Variants in FBH1 observed in about 807,000 individuals in gnomAD.
FBH1 encodes DNA 3'-5' helicase 1.
A neutral mutation model predicts 115.5 loss-of-function variants in FBH1; 43 were observed. The ratio of observed to expected loss-of-function variants is 0.37; its 90% CI spans 0.29 to 0.48. FBH1 has a LOEUF of 0.48. FBH1 is among the 20% of genes least tolerant of loss of function. FBH1 has a pLI of 0.99. For missense variants in FBH1, 1,001 were observed against 1,337.3 expected (o/e 0.75, Z 3.92); for synonymous variants, 524 against 507.8 (o/e 1.03, Z -0.43).
chr10:5,896,067 G>A (rs927525943), intron 1 of FBH1, among the ~76,000 whole-genome samples: 3 of 152,188 alleles, frequency 2.0e-5, no homozygotes, highest in African/African-American at 4.8e-5. Flanking sequence ...TGGCAGACAC[G>A]CAGTTCTCAC....
chr10:5,924,572 C>CTT lies in FBH1; in HGVS notation c.2596+76_2596+77dup, dbSNP rs59730206. ...GAGGAACAGATGGTCTTCTGCTGTT[C>CTT]TTTTTTTTTTTTTGAGACAGAGTAT... On this transcript the variant is annotated intron_variant, in intron 17 of 20. Transcript: ENST00000362091. This position sits in a 1 kb window ranked among gnomAD's most constrained non-coding sequence, Gnocchi z 6.2. 447 of 1,247,354 alleles carry CTT rather than the reference C, an allele frequency of 3.6e-4. No homozygotes were observed. Among genetic ancestry groups the CTT allele is most frequent in the Non-Finnish European group, 4.1e-4 (371 of 904,278 alleles). 77.3% of individuals were successfully genotyped at this position (1,247,354 alleles called of 1,614,324 possible).
chr10:5,895,878 C>T lies in FBH1; in HGVS notation c.1+5532C>T, dbSNP rs150050969. Among the ~76,000 whole-genome samples the T allele has an allele frequency of 9.6e-3, 1,458 of 152,314 alleles. 27 individuals are homozygous for T. The highest frequency in any genetic ancestry group is 0.032 in the African/African-American group (1,346 of 41,568). ...TGGCACCCAGCGGTAAGGCGACATC[C>T]ACCTGCACGCAGGACTGGGAAGTAT... is the stretch of plus-strand genomic sequence containing the variant. On this transcript the variant is annotated intron_variant, in intron 1 of 20. Transcript: ENST00000362091. This position sits in a 1 kb window ranked among gnomAD's most constrained non-coding sequence, Gnocchi z 5.0.
Position 5,924,361 on chromosome 10 carries a change from G to A in FBH1, c.2449G>A (p.Gly817Ser). The A allele has an allele frequency of 3.7e-6, 6 of 1,614,220 alleles. No individual in the cohort carries two copies. The highest frequency in any genetic ancestry group is 5.1e-6 in the Non-Finnish European group (6 of 1,180,026). The change falls in exon 17 of 21, where the codon GGC becomes AGC. Residue 817 changes from glycine to serine, a missense_variant. Gly to Ser is a moderately conservative substitution (Grantham distance 56, BLOSUM62 0). Transcript: ENST00000362091. The surrounding 1 kb of genome is among the most constrained non-coding windows in gnomAD (Gnocchi z 6.2). ...TATCAGAAGATGGGTGCACAAAGAA[G>A]GCTTTAGTGGCTTCAAGAGGTATGT... ...KFIRRWVHKE[G>S]FSGFKRYVTA...
Position 5,895,882 on chromosome 10 carries a change from T to C in FBH1, c.1+5536T>C, listed in dbSNP as rs887078096. On this transcript the variant is annotated intron_variant, in intron 1 of 20. Coordinates refer to ENST00000362091, the MANE Select transcript of FBH1 (RefSeq NM_178150.3). The surrounding 1 kb of genome is among the most constrained non-coding windows in gnomAD (Gnocchi z 5.0). ...ACCCAGCGGTAAGGCGACATCCACC[T>C]GCACGCAGGACTGGGAAGTATAGCC... 6.6e-6 allele frequency among the ~76,000 whole-genome samples: 1 copy of C among 152,212 alleles called. No homozygotes were observed. The highest frequency in any genetic ancestry group is 1.5e-5 in the Non-Finnish European group (1 of 68,046).
At chr10:5,894,550 T>C (rs1308339879) in intron 1 of FBH1, 2 of 810,208 alleles carry the variant, frequency 2.5e-6, no homozygotes, top group Non-Finnish European at 4.5e-6. Flanking sequence ...CATGGCACAA[T>C]TGTAGGATTG....
intron 13 of FBH1, among the ~76,000 whole-genome samples, chr10:5,920,719 A>T (rs957538586): frequency 2.6e-5 from 4 of 152,244 alleles, no homozygotes; most frequent in Admixed American, 2.6e-4. Context: ...AAGGCTGTAC[A>T]CACCCCGAGT....
Position 5,909,409 on chromosome 10 carries a change from T to A in FBH1, c.1020+115T>A. The A allele has an allele frequency of 1.6e-6, 2 of 1,231,328 alleles. No homozygotes were observed. The highest frequency in any genetic ancestry group is 2.2e-6 in the Non-Finnish European group (2 of 908,858). 76.3% of individuals were successfully genotyped at this position (1,231,328 alleles called of 1,614,324 possible). On this transcript the variant is annotated intron_variant, in intron 5 of 20. Coordinates refer to ENST00000362091, the MANE Select transcript of FBH1 (RefSeq NM_178150.3). This position sits in a 1 kb window ranked among gnomAD's most constrained non-coding sequence, Gnocchi z 4.4. Reference sequence around the variant, plus strand: ...ATTTATTTTTAATGTCTGTATTTAATCTCTGAATGCTTTGAAGCATTCATG... The same window carrying A: ...ATTTATTTTTAATGTCTGTATTTAAACTCTGAATGCTTTGAAGCATTCATG...
chr10:5,933,695 G>T lies in FBH1; in HGVS notation c.2830-2761G>T, dbSNP rs1833118289. 5.9e-5 allele frequency among the ~76,000 whole-genome samples: 9 copies of T among 151,870 alleles called. No homozygotes were observed. Among genetic ancestry groups the T allele is most frequent in the Admixed American group, 5.9e-4 (9 of 15,246 alleles). On this transcript the variant is annotated intron_variant, in intron 19 of 20. Coordinates refer to ENST00000362091, the MANE Select transcript of FBH1 (RefSeq NM_178150.3). This position sits in a 1 kb window ranked among gnomAD's most constrained non-coding sequence, Gnocchi z 4.9. ...TCTCACTCTGTCGCCCAGGCTGGAG[G>T]GCAGTGGTGTGATCTTGGCTCACCG...
intron 1 of FBH1, among the ~76,000 whole-genome samples, chr10:5,898,979 G>C (rs1230539614): frequency 6.6e-6 from 1 of 152,170 alleles, no homozygotes; most frequent in African/African-American, 2.4e-5. Flanking sequence ...GCTGCAGAAG[G>C]CTTCGATAAA....
rs776386438 is a variant in FBH1 at position 5,927,472 on chromosome 10, T to G, written c.2760T>G (p.Val920=). ...FSEDEWNLLY[V]AVTRAKKRLI... is the part of the protein sequence containing the mutation. ...AGGATGAATGGAATTTACTGTATGT[T>G]GCAGTAACTCGAGCCAAGAAGCGTC... The change falls in exon 19 of 21, where the codon GTT becomes GTG. Residue 920 remains valine (V), a synonymous_variant. Coordinates refer to ENST00000362091, the MANE Select transcript of FBH1 (RefSeq NM_178150.3). 12 of 1,613,760 alleles carry G rather than the reference T, an allele frequency of 7.4e-6. No homozygotes were observed. The highest frequency in any genetic ancestry group is 9.3e-6 in the Non-Finnish European group (11 of 1,179,946).
chr10:5,929,697 G>C (rs1361255963), intron 19 of FBH1: 2 of 152,312 alleles, frequency 1.3e-5, no homozygotes, highest in African/African-American at 2.4e-5. Flanking sequence ...GTATGGCTGT[G>C]TTCCAGTAAA....
At chr10:5,907,038 C>G (rs1033476890) in intron 3 of FBH1, among the ~76,000 whole-genome samples, 3 of 152,096 alleles carry the variant, frequency 2.0e-5, no homozygotes, top group African/African-American at 7.2e-5. Flanking sequence ...TCCTGACTCA[C>G]TGCAACCTCT....
intron 19 of FBH1, chr10:5,929,546 C>T (rs1832854162): frequency 6.6e-6 from 1 of 152,162 alleles, no homozygotes; most frequent in Non-Finnish European, 1.5e-5. Flanking sequence ...CACTAAAGCA[C>T]ATGGATCGTC....
chr10:5,898,722 A>G (rs556881925), intron 1 of FBH1, among the ~76,000 whole-genome samples: 2 of 152,152 alleles, frequency 1.3e-5, no homozygotes, highest in African/African-American at 4.8e-5. Flanking sequence ...GAGCCCCACC[A>G]CTTCATACCG....
At position 5,917,301 on chromosome 10, in the gene FBH1, G is replaced by T. The variant is rs1411068657; in HGVS notation, c.1789-119G>T. On this transcript the variant is annotated intron_variant, in intron 10 of 20. Coordinates refer to ENST00000362091, the MANE Select transcript of FBH1 (RefSeq NM_178150.3). The surrounding 1 kb of genome is among the most constrained non-coding windows in gnomAD (Gnocchi z 5.6). ...CCAGGAGGTTAGGGTGGTGTCTGCG[G>T]TCCCCCTTCTGTGAGGATGCCCTGG... 1.3e-6 allele frequency: 1 copy of T among 784,046 alleles called. No homozygotes were observed. The highest frequency in any genetic ancestry group is 1.7e-5 in the African/African-American group (1 of 59,232). The allele number at this position is 784,046 out of a possible 1,614,324, so 48.6% of individuals were successfully genotyped here.
At position 5,900,787 on chromosome 10, in the gene FBH1, T is replaced by C. The variant is rs181636980; in HGVS notation, c.2-2233T>C. Among the ~76,000 whole-genome samples the C allele has an allele frequency of 3.0e-3, 454 of 152,322 alleles. No individual in the cohort carries two copies. Among genetic ancestry groups the C allele is most frequent in the Non-Finnish European group, 4.1e-3 (281 of 68,022 alleles). On this transcript the variant is annotated intron_variant, in intron 1 of 20. Coordinates refer to ENST00000362091, the MANE Select transcript of FBH1 (RefSeq NM_178150.3). This position sits in a 1 kb window ranked among gnomAD's most constrained non-coding sequence, Gnocchi z 4.2. ...CTAAATCACTGGGGTCTTGGCTTTA[T>C]GTATTTTCAAGCTTAAAGGAAATGT...
chr10:5,904,124 C>T (rs1843547856), intron 2 of FBH1, among the ~76,000 whole-genome samples: 3 of 151,794 alleles, frequency 2.0e-5, no homozygotes, highest in Admixed American at 1.3e-4. Flanking sequence ...CATTTCAGCT[C>T]ACTGCAGCTC....
intron 9 of FBH1, 100 bp from the exon 10 acceptor site, chr10:5,916,134 T>C: frequency 9.5e-7 from 1 of 1,054,338 alleles, no homozygotes; most frequent in Non-Finnish European, 1.4e-6. Flanking sequence ...TGTGTGGCAC[T>C]TGAAGCTACC....
At chr10:5,907,939 C>G (rs547800976) in intron 3 of FBH1, among the ~76,000 whole-genome samples, 3 of 152,236 alleles carry the variant, frequency 2.0e-5, no homozygotes, top group Non-Finnish European at 2.9e-5. Flanking sequence ...GGTGATCTAT[C>G]CTGGAGAATG....
Sources: gnomAD v4.1 joint callset for allele counts (sites outside exome capture counted in the v4.1 genomes callset) on GRCh38, gnomAD v4.1.1 for gene constraint, Gnocchi (gnomAD v3.1) non-coding constraint, MANE v1.5 for transcripts, NCBI Gene and HGNC (gene_info 2026-07-23, HGNC 2026-07-21) for gene names.